CCDC74B: variants seen among roughly 807,000 people sequenced by gnomAD.
CCDC74B encodes coiled-coil domain containing 74B, also known as coiled-coil domain-containing protein 74B.
In CCDC74B, 34 loss-of-function variants were observed where a neutral mutation model predicts 38.0. The observed-to-expected ratio is 0.89, with a 90% CI of 0.68 to 1.19. CCDC74B has a LOEUF of 1.19. Ranked by LOEUF, CCDC74B falls within the 50% of genes most tolerant of loss-of-function variation. The pLI is 0.00. For missense variants in CCDC74B, 358 were observed against 406.0 expected, an observed-to-expected ratio of 0.88 and a Z score of 1.02; for synonymous variants, 132 against 170.4, an observed-to-expected ratio of 0.77 and a Z score of 1.76.
At chr2:130,141,895 C>T (rs1244918797) in intron 3 of CCDC74B, 16 of 893,414 alleles carry the variant, frequency 1.8e-5, no homozygotes, top group Non-Finnish European at 2.6e-5. Context: ...CTGCCCCACC[C>T]TGGGGTGCCT....
chr2:130,139,513 G>C lies in CCDC74B; in HGVS notation c.*42C>G, dbSNP rs757202496. ...AAATGCTATAGAGAGCCAATCTCCA[G>C]CTGCAGGTTGGTGGGCCTGGCACTG... On this transcript the variant is annotated 3_prime_UTR_variant, in exon 8 of 8. Coordinates refer to ENST00000409943, the MANE Select transcript of CCDC74B (RefSeq NM_001258307.2). The C allele has an allele frequency of 6.2e-7, 1 of 1,607,128 alleles. No individual in the cohort carries two copies.
Position 130,144,896 on chromosome 2 carries a change from A to C in CCDC74B, c.101T>G (p.Leu34Trp), listed in dbSNP as rs768474136. ...CCTGAGCTGCGGGCTCTGCGGCCTC[A>C]AGGACTGGACGCCCACAGAGGGGCG... ...RQRPSVGVQS[L>W]RPQSPQLRQS... Residue 34 changes from leucine to tryptophan, a missense_variant, in exon 1 of 8, where the codon TTG (leucine) becomes TGG (tryptophan). Around this residue, in one of 3 missense-constraint regions of CCDC74B, gnomAD observed 128 missense variants for 146.7 expected, o/e 0.87. Transcript: ENST00000409943. 189 of 1,601,704 alleles carry C rather than the reference A, an allele frequency of 1.2e-4. No homozygotes were observed. The highest frequency in any genetic ancestry group is 1.5e-4 in the Non-Finnish European group (177 of 1,176,714).
In CCDC74B at chr2:130,139,685, A is replaced by G. The variant is rs1558718236; in HGVS notation, c.815T>C (p.Leu272Pro). 6.2e-7 allele frequency: 1 copy of G among 1,612,988 alleles called. No individual in the cohort carries two copies. Among genetic ancestry groups the G allele is most frequent in the Non-Finnish European group, 8.5e-7 (1 of 1,179,920 alleles). The change falls in exon 8 of 8, where the codon CTT (leucine) becomes CCT (proline). Residue 272 changes from leucine to proline, a missense_variant. Around this residue, in one of 3 missense-constraint regions of CCDC74B, gnomAD observed 213 missense variants for 212.3 expected, o/e 1.00. Coordinates refer to ENST00000409943, the MANE Select transcript of CCDC74B (RefSeq NM_001258307.2). ...ACGCTCCGCCACAGGTGGGCTCAGA[A>G]GCAGGCTGGGGGCGGGTAGAGGGAC... ...STKSLSKKCL[L>P]LSPPVAERAI...
In CCDC74B at chr2:130,143,333, C is replaced by T. The variant is rs1232019057; in HGVS notation, c.251-20G>A. The T allele has an allele frequency of 6.2e-7, 1 of 1,613,884 alleles. No individual in the cohort carries two copies. Among genetic ancestry groups the T allele is most frequent in the East Asian group, 2.2e-5 (1 of 44,898 alleles). ...GGAGATCTGAAAGCAAGCACACGCTCTCCTCAGCACTTGTGAAACCACAGC... is the reference window on the plus strand; with the variant it reads ...GGAGATCTGAAAGCAAGCACACGCTTTCCTCAGCACTTGTGAAACCACAGC... On this transcript the variant is annotated intron_variant, in intron 1 of 7. Transcript: ENST00000409943.
At position 130,143,291 on chromosome 2, in the gene CCDC74B, C is replaced by T. The variant is rs1036621383; in HGVS notation, c.273G>A (p.Met91Ile). 6.2e-7 allele frequency: 1 copy of T among 1,613,852 alleles called. No individual in the cohort carries two copies. Residue 91 changes from methionine to isoleucine, a missense_variant, in exon 2 of 8, where the codon ATG becomes ATA. Physicochemically the swap from Met to Ile is conservative, Grantham distance 10 (BLOSUM62 1). This residue lies in a region of CCDC74B where 128 missense variants were observed against 146.7 expected (regional missense o/e 0.87). Transcript: ENST00000409943. ...CACCTTTCTTCTGTGATGTCTGATT[C>T]ATTATGAGCTTGTAACGGAGATCTG... ...ENKDLRYKLI[M>I]NQTSQKKDSL...
rs537984277 is a variant in CCDC74B, at chr2:130,141,742, G to A, written c.346+391C>T. ...CAGTTCACTCTGCAGAAGGTGCCAT[G>A]AGCCCAGGGCTCCGTGGGCAGTGCC... On this transcript the variant is annotated intron_variant, in intron 3 of 7. Coordinates refer to ENST00000409943, the MANE Select transcript of CCDC74B (RefSeq NM_001258307.2). The A allele has an allele frequency of 4.8e-5, 19 of 393,156 alleles. No homozygotes were observed. The East Asian group carries it at 1.0e-3, about 21-fold the overall frequency. 24.4% of individuals were successfully genotyped at this position (393,156 alleles called of 1,614,324 possible). A position where few individuals can be genotyped will look rare whatever the true frequency, so the allele number is the denominator to read the frequency against.
chr2:130,139,565 G>T lies in CCDC74B; in HGVS notation c.935C>A (p.Ser312Ter). The change falls in exon 8 of 8, where the codon TCG becomes TAG. Residue 312 changes from serine to a stop codon, truncating the protein, a stop_gained. Transcript: ENST00000409943. LOFTEE classifies it high-confidence loss of function. Reference sequence around the variant, plus strand: ...CCAGATGCGGGTAGCTCAAAGCACCGAGCGATGCAGGCGCCGTTTCTGCAT... The same window carrying T: ...CCAGATGCGGGTAGCTCAAAGCACCTAGCGATGCAGGCGCCGTTTCTGCAT... Reference protein sequence around the residue: ...QAMQKRRLHRSVL With the variant: ...QAMQKRRLHR 2 of 1,613,416 alleles carry T rather than the reference G, an allele frequency of 1.2e-6. No individual in the cohort carries two copies. The highest frequency in any genetic ancestry group is 2.2e-5 in the South Asian group (2 of 91,050).
At position 130,139,890 on chromosome 2, in the gene CCDC74B, C is replaced by T; in HGVS notation, c.809+1G>A. The stretch of plus-strand genomic sequence containing the variant: ...ACTGTCCCCATGCCTGTGGGACTTA[C>T]CATTTCTTGGAGAGGCTCTTGGTGG... On this transcript the variant is annotated splice_donor_variant, in intron 7 of 7. Transcript: ENST00000409943. LOFTEE classifies it high-confidence loss of function. The T allele has an allele frequency of 1.2e-6, 2 of 1,611,108 alleles. No homozygotes were observed. The highest frequency in any genetic ancestry group is 1.1e-5 in the South Asian group (1 of 90,684).
In CCDC74B at chr2:130,139,315, T is replaced by C; in HGVS notation, c.*240A>G. The C allele has an allele frequency of 1.8e-6, 1 of 542,722 alleles. No homozygotes were observed. 33.6% of individuals were successfully genotyped at this position (542,722 alleles called of 1,614,324 possible). On this transcript the variant is annotated 3_prime_UTR_variant, in exon 8 of 8. Coordinates refer to ENST00000409943, the MANE Select transcript of CCDC74B (RefSeq NM_001258307.2). ...GAAATAAACAAGCTTTATTTTCAGTTTCAACAGGTAAGGCGATACCTGCTT... is the reference window on the plus strand; with the variant it reads ...GAAATAAACAAGCTTTATTTTCAGTCTCAACAGGTAAGGCGATACCTGCTT...
chr2:130,142,699 C>T (rs776398235), intron 2 of CCDC74B: 88 of 1,545,812 alleles, frequency 5.7e-5, no homozygotes, highest in South Asian at 1.7e-4. Flanking sequence ...GAAGTGAGCT[C>T]GAGACCACAA....
In CCDC74B at chr2:130,139,332, T is replaced by TAACTG. The variant is rs1312052346; in HGVS notation, c.*222_*223insCAGTT. ...TTTTCAGTTTCAACAGGTAAGGCGATACCTGCTTCATCGTGTGCTTTTATG... is the reference window on the plus strand; with the variant it reads ...TTTTCAGTTTCAACAGGTAAGGCGATAACTGACCTGCTTCATCGTGTGCTTTTATG... On this transcript the variant is annotated 3_prime_UTR_variant, in exon 8 of 8. Transcript: ENST00000409943. The TAACTG allele has an allele frequency of 3.4e-6, 2 of 596,684 alleles. No homozygotes were observed. The highest frequency in any genetic ancestry group is 2.9e-6 in the Non-Finnish European group (1 of 340,866). The allele number at this position is 596,684 out of a possible 1,614,324, so 37.0% of individuals were successfully genotyped here. A position where few individuals can be genotyped will look rare whatever the true frequency, so the allele number is the denominator to read the frequency against.
At chr2:130,144,543 A>G (rs1685907543) in intron 1 of CCDC74B, 1 of 1,550,370 alleles carries the variant, frequency 6.5e-7, no homozygotes, top group African/African-American at 1.4e-5. Context: ...ACAGGCAGAC[A>G]GGTTCGGCAC....
chr2:130,143,483 GT>G (rs1211519317), intron 1 of CCDC74B, among the ~76,000 whole-genome samples, 170 bp from the exon 2 acceptor site: 3 of 152,230 alleles, frequency 2.0e-5, no homozygotes, highest in Non-Finnish European at 4.4e-5. Flanking sequence ...TGTCGTGGGT[GT>G]CAGGCCAGGA....
chr2:130,140,245 G>T lies in CCDC74B; in HGVS notation c.612C>A (p.Thr204=). The T allele has an allele frequency of 6.2e-7, 1 of 1,613,528 alleles. No homozygotes were observed. The highest frequency in any genetic ancestry group is 8.5e-7 in the Non-Finnish European group (1 of 1,179,750). The change falls in exon 5 of 8, where the codon ACC becomes ACA. Residue 204 remains threonine, a synonymous_variant. Coordinates refer to ENST00000409943, the MANE Select transcript of CCDC74B (RefSeq NM_001258307.2). ...MILPLPLRKP[T]TLRQCEVLIR... Reference sequence around the variant, plus strand: ...TGAGCACTTCGCACTGCCTAAGTGTGGTGGGCTTTCGCAGGGGAAGGGGCA... The same window carrying T: ...TGAGCACTTCGCACTGCCTAAGTGTTGTGGGCTTTCGCAGGGGAAGGGGCA...
chr2:130,142,609 C>T (rs1374235722), intron 2 of CCDC74B: 14 of 1,545,702 alleles, frequency 9.1e-6, no homozygotes, highest in Non-Finnish European at 1.2e-5. Context: ...AGGCACTGCC[C>T]CAGCTACGAT....
At position 130,142,343 on chromosome 2, in the gene CCDC74B, G is replaced by A. The variant is rs1388761371; in HGVS notation, c.296-160C>T. On this transcript the variant is annotated intron_variant, in intron 2 of 7. Transcript: ENST00000409943. ...ATGCAGACCCAGCGAGCGCCCAAGGGAGCAGAGGCCCTGGAAAGGTGGTTT... is the reference window on the plus strand; with the variant it reads ...ATGCAGACCCAGCGAGCGCCCAAGGAAGCAGAGGCCCTGGAAAGGTGGTTT... 6.2e-7 allele frequency: 1 copy of A among 1,612,914 alleles called. No individual in the cohort carries two copies. Among genetic ancestry groups the A allele is most frequent in the African/African-American group, 1.3e-5 (1 of 74,858 alleles).
At position 130,142,367 on chromosome 2, in the gene CCDC74B, T is replaced by C. The variant is rs144978278; in HGVS notation, c.296-184A>G. ...GGAGCAGAGGCCCTGGAAAGGTGGTTTCCTGAGGGGCCATCTGGAAAGCAG... is the reference window on the plus strand; with the variant it reads ...GGAGCAGAGGCCCTGGAAAGGTGGTCTCCTGAGGGGCCATCTGGAAAGCAG... On this transcript the variant is annotated intron_variant, in intron 2 of 7. Coordinates refer to ENST00000409943, the MANE Select transcript of CCDC74B (RefSeq NM_001258307.2). 4.6e-3 allele frequency: 7,434 copies of C among 1,612,852 alleles called. 1 individual carries two copies. Among genetic ancestry groups the C allele is most frequent in the East Asian group, 0.026 (1,154 of 44,772 alleles).
Position 130,145,112 on chromosome 2 carries a change from G to T in CCDC74B, c.-116C>A. 2.9e-6 allele frequency: 4 copies of T among 1,376,186 alleles called. No individual in the cohort carries two copies. The highest frequency in any genetic ancestry group is 3.8e-6 in the Non-Finnish European group (4 of 1,059,584). The allele number at this position is 1,376,186 out of a possible 1,614,324, so 85.2% of individuals were successfully genotyped here. A position where few individuals can be genotyped will look rare whatever the true frequency, so the allele number is the denominator to read the frequency against. On this transcript the variant is annotated 5_prime_UTR_variant, in exon 1 of 8. Transcript: ENST00000409943. ...GGGCGACGGAGGGCGCCAGGCGTTT[G>T]GCGGGGGCGGGGCCTGTCGCTGGCT...
At chr2:130,141,671 GA>G in intron 3 of CCDC74B, 1 of 368,388 alleles carries the variant, frequency 2.7e-6, no homozygotes, top group South Asian at 3.5e-5. Context: ...CTGGGCTGAG[GA>G]AAATGCCCGG....
Sources: allele counts gnomAD v4.1 joint callset (sites outside exome capture counted in the v4.1 genomes callset), GRCh38; gene constraint gnomAD v4.1.1; regional missense constraint gnomAD v4.1.1; transcripts MANE v1.5; gene names NCBI Gene and HGNC (gene_info 2026-07-23, HGNC 2026-07-21).